PTGER3: variants seen among roughly 807,000 people sequenced by gnomAD.
PTGER3 encodes prostaglandin E2 receptor EP3 subtype.
In PTGER3, 22 loss-of-function variants were observed where a neutral mutation model predicts 34.7. That is an observed-to-expected ratio of 0.63 (90% CI 0.45 to 0.91). The LOEUF is 0.91. Ranked by LOEUF, PTGER3 falls within the 40% of genes least tolerant of loss-of-function variation. The pLI, the probability that PTGER3 is intolerant of heterozygous loss-of-function variation, is 0.00. For missense variants in PTGER3, 468 were observed against 519.4 expected (o/e 0.90, Z 0.96); for synonymous variants, 241 against 230.1 (o/e 1.05, Z -0.43).
intron 2 of PTGER3, chr1:71,012,048 A>G: frequency 2.1e-6 from 3 of 1,431,768 alleles, no homozygotes; most frequent in Non-Finnish European, 2.7e-6. Flanking sequence ...GTGTTTCACT[A>G]CTTTTGGCAC....
At chr1:70,996,371 T>C (rs1278105903) in intron 2 of PTGER3, among the ~76,000 whole-genome samples, 1 of 152,146 alleles carries the variant, frequency 6.6e-6, no homozygotes, top group Admixed American at 6.5e-5. Flanking sequence ...TACTGTTGAT[T>C]TAAAAAAACT....
At chr1:70,901,375 T>C (rs1033932389) in intron 4 of PTGER3, among the ~76,000 whole-genome samples, 3 of 152,216 alleles carry the variant, frequency 2.0e-5, no homozygotes, top group Non-Finnish European at 4.4e-5. Flanking sequence ...AGAGTTTATT[T>C]GGGCTTCCCT....
chr1:70,901,522 G>A (rs1646838376), intron 4 of PTGER3, among the ~76,000 whole-genome samples: 1 of 152,162 alleles, frequency 6.6e-6, no homozygotes, highest in South Asian at 2.1e-4. Context: ...ATAGTTATTT[G>A]TATTAACTGA....
chr1:70,869,509 G>A (rs75375519), intron 4 of PTGER3, among the ~76,000 whole-genome samples: 10,544 of 152,240 alleles, frequency 0.069, 841 homozygotes, highest in East Asian at 0.34. Flanking sequence ...CAAGTCTAAA[G>A]TCTAAGTCCA....
intron 2 of PTGER3, among the ~76,000 whole-genome samples, chr1:70,976,748 C>A (rs1368904200): frequency 6.6e-6 from 1 of 152,262 alleles, no homozygotes; most frequent in South Asian, 2.1e-4. Context: ...TGCTTAAACC[C>A]TTTAATACAC....
At chr1:70,919,896 T>G (rs1237485685) in intron 4 of PTGER3, among the ~76,000 whole-genome samples, 3 of 152,158 alleles carry the variant, frequency 2.0e-5, no homozygotes, top group Non-Finnish European at 4.4e-5. Context: ...ACCCAGTTAT[T>G]ACAGTTGTAA....
intron 2 of PTGER3, among the ~76,000 whole-genome samples, chr1:70,976,952 TGC>T (rs952624399): frequency 1.3e-5 from 2 of 152,124 alleles, no homozygotes; most frequent in African/African-American, 4.8e-5. Context: ...CTTCCCAAAT[TGC>T]CAAGTATATA....
At chr1:71,025,540 TGTAA>T (rs33912628) in intron 1 of PTGER3, among the ~76,000 whole-genome samples, 56,610 of 151,770 alleles carry the variant, frequency 0.37, 11,415 homozygotes, top group South Asian at 0.47. Context: ...CTTTTATTAC[TGTAA>T]GTGTTATATA....
chr1:70,869,742 T>C (rs1312685547), intron 4 of PTGER3, among the ~76,000 whole-genome samples: 3 of 152,206 alleles, frequency 2.0e-5, no homozygotes, highest in Admixed American at 2.0e-4. Flanking sequence ...TTTGACTCCA[T>C]GCCCCATATG....
intron 4 of PTGER3, among the ~76,000 whole-genome samples, chr1:70,864,705 C>A (rs918209351): frequency 3.3e-5 from 5 of 152,174 alleles, no homozygotes; most frequent in African/African-American, 1.2e-4. Context: ...ACTATAAGCC[C>A]AGTACTTTTT....
At chr1:70,973,061 T>C (rs1359949838) in intron 3 of PTGER3, among the ~76,000 whole-genome samples, 2 of 152,038 alleles carry the variant, frequency 1.3e-5, no homozygotes, top group African/African-American at 2.4e-5. Flanking sequence ...CTCTCTTCGT[T>C]TCCCTTCATT....
chr1:70,980,153 G>A (rs994533078), intron 2 of PTGER3, among the ~76,000 whole-genome samples: 1 of 152,144 alleles, frequency 6.6e-6, no homozygotes, highest in Non-Finnish European at 1.5e-5. Context: ...GTGGAAGGCA[G>A]AGAGCAAATA....
At chr1:71,034,805 T>A (rs1168186358) in intron 1 of PTGER3, among the ~76,000 whole-genome samples, 1 of 152,132 alleles carries the variant, frequency 6.6e-6, no homozygotes, top group Non-Finnish European at 1.5e-5. Context: ...TTCTAAATGG[T>A]TCTCAGCTTT....
intron 2 of PTGER3, chr1:71,010,735 C>A (rs1283874914): frequency 1.5e-5 from 15 of 984,960 alleles, no homozygotes; most frequent in African/African-American, 1.7e-5. Context: ...ATTAGTAGAA[C>A]CATCATTAAT....
intron 2 of PTGER3, among the ~76,000 whole-genome samples, chr1:70,957,231 T>G (rs1230653861): frequency 2.6e-5 from 4 of 152,180 alleles, no homozygotes; most frequent in Non-Finnish European, 5.9e-5. Context: ...TCATCTGATT[T>G]CCTTTCAAAC....
At chr1:70,864,372 G>A (rs919826492) in intron 4 of PTGER3, among the ~76,000 whole-genome samples, 2 of 152,126 alleles carry the variant, frequency 1.3e-5, no homozygotes, top group South Asian at 4.1e-4. Context: ...GTTATCTCTA[G>A]CAATTAGGGT....
intron 1 of PTGER3, among the ~76,000 whole-genome samples, chr1:71,027,719 G>T (rs1659057666): frequency 6.6e-6 from 1 of 152,008 alleles, no homozygotes; most frequent in South Asian, 2.1e-4. Flanking sequence ...GCATTTTCTA[G>T]TAGCCAGATT....
intron 4 of PTGER3, among the ~76,000 whole-genome samples, chr1:70,936,306 C>T (rs184793375): frequency 6.6e-6 from 1 of 152,272 alleles, no homozygotes; most frequent in African/African-American, 2.4e-5. Flanking sequence ...AGAAAGTGCA[C>T]TTTCCAGGTA....
chr1:70,948,618 A>T (rs1434712105), downstream of PTGER3, among the ~76,000 whole-genome samples: 3 of 152,180 alleles, frequency 2.0e-5, no homozygotes, highest in East Asian at 5.8e-4. Flanking sequence ...CTTGAGTCTC[A>T]CGTGCATAAT....
Sources: gnomAD v4.1 joint callset for allele counts (sites outside exome capture counted in the v4.1 genomes callset) on GRCh38, gnomAD v4.1.1 for gene constraint, MANE v1.5 for transcripts, NCBI Gene and HGNC (gene_info 2026-07-23, HGNC 2026-07-21) for gene names.